Variants in MAPK8 observed in about 807,000 individuals in gnomAD.
The protein encoded by MAPK8 is JUN N-terminal kinase.
In MAPK8, 13 loss-of-function variants were observed where a neutral mutation model predicts 52.9. The ratio of observed to expected loss-of-function variants is 0.25; its 90% CI spans 0.16 to 0.39. MAPK8 has a LOEUF of 0.39. Among genes scored for constraint, MAPK8 ranks in the 10% least tolerant of loss-of-function variants. The pLI, the probability that MAPK8 is intolerant of heterozygous loss-of-function variation, is 1.00. For synonymous variants in MAPK8, 191 were observed against 169.8 expected, an observed-to-expected ratio of 1.12 and a Z score of -0.97; for missense variants, 300 against 519.2, an observed-to-expected ratio of 0.58 and a Z score of 4.10.
At chr10:48,327,436 C>T (rs1843646770) in intron 1 of MAPK8, among the ~76,000 whole-genome samples, 1 of 152,134 alleles carries the variant, frequency 6.6e-6, no homozygotes, top group Admixed American at 6.5e-5. Flanking sequence ...ATAAATCTCT[C>T]CTGGTTATGG....
rs2044974367 is a variant in MAPK8, at chr10:48,437,810, C to T, written c.*2781C>T. 1 of 152,268 alleles carries T rather than the reference C, an allele frequency of 6.6e-6. No individual in the cohort carries two copies. Among genetic ancestry groups the T allele is most frequent in the Non-Finnish European group, 1.5e-5 (1 of 68,092 alleles). 9.4% of individuals were successfully genotyped at this position (152,268 alleles called of 1,614,324 possible). ...CAGCCTCTTAAATCAGAAGCCTACA[C>T]ACAACCCCCTTAACAATCCAAAGAA... On this transcript the variant is annotated 3_prime_UTR_variant, in exon 12 of 12. Coordinates refer to ENST00000374189, the MANE Select transcript of MAPK8 (RefSeq NM_001323329.2).
chr10:48,391,918 G>C (rs1001034660), intron 1 of MAPK8, among the ~76,000 whole-genome samples: 64 of 152,116 alleles, frequency 4.2e-4, no homozygotes, highest in African/African-American at 1.5e-3. Flanking sequence ...AGATGCATAG[G>C]GTAAGGTATG....
At chr10:48,402,661 C>T (rs1163989363) in intron 2 of MAPK8, among the ~76,000 whole-genome samples, 1 of 152,176 alleles carries the variant, frequency 6.6e-6, no homozygotes, top group Non-Finnish European at 1.5e-5. Context: ...TTTATTACCT[C>T]TTCTTGAAAC....
At chr10:48,422,058 A>C (rs965354943) in intron 6 of MAPK8, among the ~76,000 whole-genome samples, 1 of 130,366 alleles carries the variant, frequency 7.7e-6, no homozygotes, top group Non-Finnish European at 1.7e-5. Flanking sequence ...TTTGAGATGG[A>C]GTCTCACTCT....
At chr10:48,424,045 C>A (rs753499459) in intron 6 of MAPK8, 43 bp from the exon 7 acceptor site, 21 of 1,498,580 alleles carry the variant, frequency 1.4e-5, no homozygotes, top group Admixed American at 1.7e-5. Context: ...ATTTTAATGA[C>A]CTTTTGCTTT....
Position 48,418,742 on chromosome 10 carries a change from T to C in MAPK8, c.451-1413T>C, listed in dbSNP as rs184721996. ...TTAACAGCTGTAAGGTACATATTGA[T>C]ATATATGGATGAATTTCAATTAATA... is the stretch of plus-strand genomic sequence containing the variant. On this transcript the variant is annotated intron_variant, in intron 5 of 11. Transcript: ENST00000374189. Among the ~76,000 whole-genome samples the C allele has an allele frequency of 3.0e-3, 459 of 152,306 alleles. 4 individuals are homozygous for C. Among genetic ancestry groups the C allele is most frequent in the Non-Finnish European group, 1.7e-3 (119 of 68,024 alleles).
Position 48,431,166 on chromosome 10 carries a change from G to C in MAPK8, c.1061-27G>C, listed in dbSNP as rs375408674. On this transcript the variant is annotated intron_variant, in intron 10 of 11. Coordinates refer to ENST00000374189, the MANE Select transcript of MAPK8 (RefSeq NM_001323329.2). ...GAGATTGGCTCTTAGACTTTGAAAA[G>C]TTCATTTTTGTTTACTTCTTTTACA... 47 of 1,497,650 alleles carry C rather than the reference G, an allele frequency of 3.1e-5. No homozygotes were observed. In the African/African-American group the frequency reaches 4.7e-4, roughly 15 times the overall value. 92.8% of individuals were successfully genotyped at this position (1,497,650 alleles called of 1,614,324 possible).
At chr10:48,434,200 A>T (rs1390042501) in intron 11 of MAPK8, among the ~76,000 whole-genome samples, 1 of 152,194 alleles carries the variant, frequency 6.6e-6, no homozygotes, top group Admixed American at 6.5e-5. Context: ...ATAAATCCAT[A>T]TTTCTGCTTA....
At chr10:48,385,516 C>T (rs1239729511) in intron 1 of MAPK8, among the ~76,000 whole-genome samples, 2 of 152,010 alleles carry the variant, frequency 1.3e-5, no homozygotes, top group South Asian at 2.1e-4. Context: ...GATGATTAGA[C>T]GAGAAATACT....
intron 1 of MAPK8, among the ~76,000 whole-genome samples, chr10:48,330,858 C>A (rs1564490202): frequency 6.6e-6 from 1 of 152,116 alleles, no homozygotes; most frequent in Non-Finnish European, 1.5e-5. Flanking sequence ...ATGGGCTGAC[C>A]CCTCCTCTAC....
At chr10:48,400,342 C>T (rs1235773913) in intron 1 of MAPK8, among the ~76,000 whole-genome samples, 3 of 152,142 alleles carry the variant, frequency 2.0e-5, no homozygotes, top group Non-Finnish European at 4.4e-5. Flanking sequence ...TATTTGTCCT[C>T]GGTTTTACAG....
chr10:48,345,307 A>G (rs1002760367), intron 1 of MAPK8, among the ~76,000 whole-genome samples: 2 of 152,110 alleles, frequency 1.3e-5, no homozygotes, highest in African/African-American at 2.4e-5. Context: ...TCTCTCAACT[A>G]TTGGGTACCT....
intron 1 of MAPK8, among the ~76,000 whole-genome samples, chr10:48,370,640 A>G (rs1848458608): frequency 6.6e-6 from 1 of 152,180 alleles, no homozygotes; most frequent in South Asian, 2.1e-4. Flanking sequence ...CTAAAGGGGA[A>G]TGGACCAATA....
At chr10:48,338,499 A>G (rs988353844) in intron 1 of MAPK8, among the ~76,000 whole-genome samples, 1 of 152,154 alleles carries the variant, frequency 6.6e-6, no homozygotes, top group African/African-American at 2.4e-5. Flanking sequence ...AGTTGAAAGC[A>G]TTTCCCCTAA....
chr10:48,339,472 A>G (rs529137263), intron 1 of MAPK8, among the ~76,000 whole-genome samples: 2 of 152,304 alleles, frequency 1.3e-5, no homozygotes, highest in Admixed American at 1.3e-4. Context: ...ACCTCCAGCT[A>G]TAAAAATTCT....
rs1351737570 is a variant in MAPK8, at chr10:48,437,757, G to T, written c.*2728G>T. 6.6e-6 allele frequency: 1 copy of T among 152,230 alleles called. No individual in the cohort carries two copies. The highest frequency in any genetic ancestry group is 1.5e-5 in the Non-Finnish European group (1 of 68,050). The allele number at this position is 152,230 out of a possible 1,614,324, so 9.4% of individuals were successfully genotyped here. On this transcript the variant is annotated 3_prime_UTR_variant, in exon 12 of 12. Coordinates refer to ENST00000374189, the MANE Select transcript of MAPK8 (RefSeq NM_001323329.2). ...TTCCGAGTTGGTAAAGGCACAGTGT[G>T]TTCATGCCAGACTTCTAAGAGAAAC...
chr10:48,400,592 C>T (rs2042110527), intron 1 of MAPK8, among the ~76,000 whole-genome samples: 1 of 152,148 alleles, frequency 6.6e-6, no homozygotes. Context: ...GATCTGGCCC[C>T]AGGACATGCA....
intron 1 of MAPK8, among the ~76,000 whole-genome samples, chr10:48,353,827 A>G (rs765903292): frequency 6.6e-6 from 1 of 152,246 alleles, no homozygotes; most frequent in Non-Finnish European, 1.5e-5. Context: ...AATTATAGAC[A>G]TGGAGGACAA....
intron 10 of MAPK8, among the ~76,000 whole-genome samples, chr10:48,428,823 G>T (rs202076749): frequency 6.2e-4 from 94 of 151,642 alleles, no homozygotes; most frequent in Non-Finnish European, 1.2e-3. Context: ...TGTTTTTTTT[G>T]TTTGTTTGTT....
Sources: allele counts gnomAD v4.1 joint callset (sites outside exome capture counted in the v4.1 genomes callset), GRCh38; gene constraint gnomAD v4.1.1; transcripts MANE v1.5; gene names NCBI Gene and HGNC (gene_info 2026-07-23, HGNC 2026-07-21).